Variants in SEMA5B observed in about 807,000 individuals in gnomAD.
SEMA5B encodes the protein semaphorin-5B.
SEMA5B carries 66 observed loss-of-function variants against 135.0 expected under a neutral mutation model. That is an observed-to-expected ratio of 0.49 (90% CI 0.40 to 0.60). The LOEUF (loss-of-function observed/expected upper bound fraction) is 0.60, where lower values mean the gene tolerates loss of function less well. SEMA5B is among the 20% of genes least tolerant of loss of function. The probability of loss-of-function intolerance (pLI) is 0.00; values close to 1 mark genes in which losing one functional copy is unlikely to be tolerated. For synonymous variants in SEMA5B, 690 were observed against 639.5 expected, an observed-to-expected ratio of 1.08 and a Z score of -1.19; for missense variants, 1,501 against 1,566.3, an observed-to-expected ratio of 0.96 and a Z score of 0.70.
Position 122,910,909 on chromosome 3 carries a change from G to A in SEMA5B, c.3228C>T (p.Thr1076=). ...CGCCCTTGTAGTGCAAATGGTTGGG[G>A]GTGGCAGGATGGACCAGTGTGGACT... The part of the protein sequence containing the change: ...SQESTLVHPA[T]PNHLHYKGGG... Residue 1076 remains threonine, a synonymous_variant, in exon 22 of 23, where the codon ACC becomes ACT. Transcript: ENST00000357599. 2.5e-6 allele frequency: 4 copies of A among 1,613,788 alleles called. No individual in the cohort carries two copies. Among genetic ancestry groups the A allele is most frequent in the South Asian group, 1.1e-5 (1 of 91,044 alleles).
intron 5 of SEMA5B, among the ~76,000 whole-genome samples, chr3:122,936,072 G>A (rs1391991442): frequency 6.6e-6 from 1 of 152,146 alleles, no homozygotes; most frequent in African/African-American, 2.4e-5. Flanking sequence ...TGTTGTGAAT[G>A]TGCACCCTTT....
intron 19 of SEMA5B, 43 bp from the exon 20 acceptor site, chr3:122,912,112 C>T (rs1241277672): frequency 6.3e-7 from 1 of 1,592,350 alleles, no homozygotes; most frequent in South Asian, 1.1e-5. Context: ...CCAGGGACCC[C>T]CTGGTGGGGA....
Position 122,994,133 on chromosome 3 carries a change from C to G in SEMA5B, c.-38-32832G>C, listed in dbSNP as rs560819772. On this transcript the variant is annotated intron_variant, in intron 1 of 22. Coordinates refer to ENST00000357599, the MANE Select transcript of SEMA5B (RefSeq NM_001031702.4). ...ACTACAGCCCGACTTCCTCAACCTT[C>G]CCTCCTCTGTGCTGCCCACCAAGAC... Among the ~76,000 whole-genome samples, 56 of 152,170 alleles carry G rather than the reference C, an allele frequency of 3.7e-4. 1 individual carries two copies. The highest frequency in any genetic ancestry group is 1.3e-3 in the African/African-American group (56 of 41,502).
At chr3:122,922,553 G>T in intron 10 of SEMA5B, 106 bp from the exon 11 acceptor site, 1 of 1,030,630 alleles carries the variant, frequency 9.7e-7, no homozygotes, top group Non-Finnish European at 1.4e-6. Context: ...AGCGGACGCT[G>T]ATTCTCCAGC....
intron 1 of SEMA5B, among the ~76,000 whole-genome samples, chr3:123,023,322 GCA>G (rs3080430): frequency 0.069 from 9,885 of 143,604 alleles, 756 homozygotes; most frequent in African/African-American, 0.19. Flanking sequence ...ACTATTTCCA[GCA>G]CACACACACA....
chr3:123,024,941 C>T (rs1222315599), intron 1 of SEMA5B, among the ~76,000 whole-genome samples: 1 of 152,214 alleles, frequency 6.6e-6, no homozygotes, highest in Non-Finnish European at 1.5e-5. Context: ...TGCCTGCCCT[C>T]TGTAGGCATT....
At chr3:122,914,782 T>A (rs919318589) in intron 14 of SEMA5B, among the ~76,000 whole-genome samples, 1 of 152,078 alleles carries the variant, frequency 6.6e-6, no homozygotes, top group Admixed American at 6.6e-5. Flanking sequence ...AAAAAATTTT[T>A]AAAAATTAGC....
At chr3:122,933,890 T>A (rs903984530) in intron 5 of SEMA5B, among the ~76,000 whole-genome samples, 65 of 151,996 alleles carry the variant, frequency 4.3e-4, no homozygotes, top group African/African-American at 1.5e-3. Flanking sequence ...AAGATACTAA[T>A]TGGTTGTTTA....
intron 1 of SEMA5B, among the ~76,000 whole-genome samples, chr3:123,021,753 A>G (rs984143544): frequency 6.6e-6 from 1 of 152,224 alleles, no homozygotes; most frequent in African/African-American, 2.4e-5. Flanking sequence ...CGGTTAATCC[A>G]ATGGTCAGCC....
At position 122,926,536 on chromosome 3, in the gene SEMA5B, A is replaced by C. The variant is rs745447561; in HGVS notation, c.992T>G (p.Leu331Arg). The C allele has an allele frequency of 6.2e-7, 1 of 1,614,266 alleles. No individual in the cohort carries two copies. ...GAATGTGGTCCATGTGTCCTCCAGC[A>C]GGAATCGGCCCCCCACGTCATTCTT... Reference protein sequence around the residue: ...VCKNDVGGRFLLEDTWTTFMK... With the variant: ...VCKNDVGGRFRLEDTWTTFMK... Residue 331 changes from leucine (L) to arginine (R), a missense_variant, in exon 9 of 23, where the codon CTG (leucine) becomes CGG (arginine). Transcript: ENST00000357599.
At chr3:123,007,005 TC>T (rs1197177944) in intron 1 of SEMA5B, among the ~76,000 whole-genome samples, 1 of 152,092 alleles carries the variant, frequency 6.6e-6, no homozygotes, top group Non-Finnish European at 1.5e-5. Context: ...AAGCAGAACT[TC>T]CCACCCAGAA....
chr3:123,022,402 T>A (rs1942704790), intron 1 of SEMA5B, among the ~76,000 whole-genome samples: 2 of 152,220 alleles, frequency 1.3e-5, no homozygotes, highest in African/African-American at 4.8e-5. Flanking sequence ...TCTGATTAAG[T>A]CATCCTTATT....
chr3:123,025,747 C>A (rs929691289), intron 1 of SEMA5B, among the ~76,000 whole-genome samples: 1 of 152,208 alleles, frequency 6.6e-6, no homozygotes, highest in African/African-American at 2.4e-5. Flanking sequence ...CCCCACGCCC[C>A]AAGGCCCAGA....
At chr3:122,936,615 G>T (rs546351418) in intron 5 of SEMA5B, among the ~76,000 whole-genome samples, 1 of 152,340 alleles carries the variant, frequency 6.6e-6, no homozygotes, top group African/African-American at 2.4e-5. Context: ...TTCTGGCAAA[G>T]GTCGCTCACG....
intron 12 of SEMA5B, among the ~76,000 whole-genome samples, chr3:122,920,151 C>T (rs548418447): frequency 6.2e-4 from 94 of 152,340 alleles, no homozygotes; most frequent in African/African-American, 2.1e-3. Context: ...TAGGACCACT[C>T]CAGTGCCCAC....
intron 1 of SEMA5B, among the ~76,000 whole-genome samples, chr3:122,998,881 GC>G (rs1942094208): frequency 6.6e-6 from 1 of 152,230 alleles, no homozygotes; most frequent in Non-Finnish European, 1.5e-5. Flanking sequence ...CCACTCTAAA[GC>G]TGTCAGCACA....
intron 1 of SEMA5B, among the ~76,000 whole-genome samples, chr3:122,983,913 G>A (rs1274527736): frequency 6.6e-6 from 1 of 152,088 alleles, no homozygotes; most frequent in Admixed American, 6.6e-5. Flanking sequence ...GGGAAAGGGA[G>A]TGGTAAGGGA....
Position 122,911,405 on chromosome 3 carries a change from C to A in SEMA5B, c.3091+86G>T, listed in dbSNP as rs777574807. ...CCCAACAAAGCTTGGCTGTCTGGAGCAGGATGTGGAAAGAGTCCAGACTTT... is the reference window on the plus strand; with the variant it reads ...CCCAACAAAGCTTGGCTGTCTGGAGAAGGATGTGGAAAGAGTCCAGACTTT... On this transcript the variant is annotated intron_variant, in intron 21 of 22. Coordinates refer to ENST00000357599, the MANE Select transcript of SEMA5B (RefSeq NM_001031702.4). The A allele has an allele frequency of 4.1e-5, 64 of 1,563,196 alleles. No homozygotes were observed. In the African/African-American group the frequency reaches 8.1e-4, roughly 20 times the overall value.
chr3:122,932,243 A>AGTT (rs1939010573), intron 5 of SEMA5B, among the ~76,000 whole-genome samples: 1 of 85,380 alleles, frequency 1.2e-5, no homozygotes. Context: ...TCTCAATATG[A>AGTT]TTTTTTTTTT....
Sources: gnomAD v4.1 joint callset for allele counts (sites outside exome capture counted in the v4.1 genomes callset) on GRCh38, gnomAD v4.1.1 for gene constraint, MANE v1.5 for transcripts, NCBI Gene and HGNC (gene_info 2026-07-23, HGNC 2026-07-21) for gene names.